SEMA3A: variants seen among roughly 807,000 people sequenced by gnomAD.
SEMA3A encodes semaphorin 3A.
A neutral mutation model predicts 97.9 loss-of-function variants in SEMA3A; 29 were observed. That is an observed-to-expected ratio of 0.30 (90% CI 0.22 to 0.40). SEMA3A has a LOEUF of 0.40. Ranked by LOEUF, SEMA3A falls within the 10% of genes least tolerant of loss-of-function variation. The pLI is 1.00. For missense variants in SEMA3A, 763 were observed against 951.3 expected (o/e 0.80, Z 2.60); for synonymous variants, 321 against 323.7 (o/e 0.99, Z 0.09).
chr7:84,417,051 T>C (rs76776376), intron 1 of SEMA3A, among the ~76,000 whole-genome samples: 14,189 of 123,346 alleles, frequency 0.12, 1,163 homozygotes, highest in East Asian at 0.3. Context: ...GACCATAGTG[T>C]TTTTTAAATT....
At chr7:84,402,547 A>T (rs554659655) in intron 1 of SEMA3A, among the ~76,000 whole-genome samples, 2 of 152,318 alleles carry the variant, frequency 1.3e-5, no homozygotes, top group East Asian at 3.9e-4. Flanking sequence ...CTTCACTCCC[A>T]TGTTTATTGC....
intron 6 of SEMA3A, among the ~76,000 whole-genome samples, chr7:84,028,687 C>T (rs986472255): frequency 6.6e-6 from 1 of 152,148 alleles, no homozygotes; most frequent in East Asian, 1.9e-4. Flanking sequence ...TGACTGAAAC[C>T]TCTGCCACCT....
chr7:84,167,815 A>G (rs558443583), intron 1 of SEMA3A, among the ~76,000 whole-genome samples: 1 of 152,296 alleles, frequency 6.6e-6, no homozygotes, highest in East Asian at 1.9e-4. Context: ...TAAAATACAA[A>G]TGTAAGAAAC....
intron 12 of SEMA3A, among the ~76,000 whole-genome samples, chr7:83,997,537 T>TGTC (rs1406605007): frequency 6.6e-6 from 1 of 152,190 alleles, no homozygotes; most frequent in Non-Finnish European, 1.5e-5. Flanking sequence ...AAATATGTTT[T>TGTC]GTCTACTTGA....
At chr7:84,168,116 G>T (rs1216332176) in intron 1 of SEMA3A, among the ~76,000 whole-genome samples, 1 of 151,956 alleles carries the variant, frequency 6.6e-6, no homozygotes, top group Admixed American at 6.6e-5. Context: ...TAATTTATAC[G>T]CAAGTGAAAT....
At chr7:84,487,467 T>TTAGCATAAGAATTAATTCTAGACTGG (rs1806604443) in intron 1 of SEMA3A, among the ~76,000 whole-genome samples, 2 of 152,106 alleles carry the variant, frequency 1.3e-5, no homozygotes, top group African/African-American at 2.4e-5. Context: ...CCAGAAGCAA[T>TTAGCATAAGAATTAATTCTAGACTGG]TAGCATAAGA....
rs371230452 is a variant in SEMA3A at position 84,449,262 on chromosome 7, C to T, written c.-246+43198G>A. Among the ~76,000 whole-genome samples, 112 of 152,000 alleles carry T rather than the reference C, an allele frequency of 7.4e-4. 1 individual carries two copies. The highest frequency in any genetic ancestry group is 2.4e-3 in the African/African-American group (101 of 41,468). ...AGCTAAAGCAGGACTTTGAATGAAA[C>T]GTATAGATGTAAAGAAAAAGTATGA... On this transcript the variant is annotated intron_variant, in intron 1 of 3. Coordinates refer to the SEMA3A transcript ENST00000424555.
chr7:84,013,129 A>G (rs1386733365), intron 7 of SEMA3A, among the ~76,000 whole-genome samples: 1 of 152,162 alleles, frequency 6.6e-6, no homozygotes, highest in Non-Finnish European at 1.5e-5. Context: ...AAAAGATAGA[A>G]TTCAATTTTA....
chr7:84,038,210 T>A (rs1792011112), intron 6 of SEMA3A, among the ~76,000 whole-genome samples: 1 of 152,006 alleles, frequency 6.6e-6, no homozygotes, highest in African/African-American at 2.4e-5. Flanking sequence ...AGATTCAGTC[T>A]AAGGAAAGGA....
At chr7:84,325,061 G>A (rs1801739157) in intron 2 of SEMA3A, among the ~76,000 whole-genome samples, 1 of 152,166 alleles carries the variant, frequency 6.6e-6, no homozygotes, top group Non-Finnish European at 1.5e-5. Context: ...CATAACTTAT[G>A]TTTGTCTTTT....
chr7:84,106,247 T>C (rs984218983), intron 4 of SEMA3A, among the ~76,000 whole-genome samples: 5 of 152,192 alleles, frequency 3.3e-5, no homozygotes, highest in African/African-American at 1.2e-4. Flanking sequence ...AAATTCTTAT[T>C]GCATAGTGAC....
At chr7:84,398,001 C>T (rs576982691) in intron 1 of SEMA3A, among the ~76,000 whole-genome samples, 1 of 152,214 alleles carries the variant, frequency 6.6e-6, no homozygotes, top group African/African-American at 2.4e-5. Context: ...ATGCATTGTG[C>T]TAGATGATTT....
At chr7:84,046,206 C>CTA in intron 6 of SEMA3A, 118 bp downstream of exon 6, 2 of 1,166,520 alleles carry the variant, frequency 1.7e-6, no homozygotes. Context: ...AAGTCACCAC[C>CTA]ATTAGCTTAA....
At chr7:84,333,633 G>A (rs1801960567) in intron 2 of SEMA3A, among the ~76,000 whole-genome samples, 1 of 152,092 alleles carries the variant, frequency 6.6e-6, no homozygotes, top group African/African-American at 2.4e-5. Flanking sequence ...AGACAAGAAA[G>A]TAAGAACATA....
At chr7:84,150,533 G>C (rs531125014) in intron 1 of SEMA3A, among the ~76,000 whole-genome samples, 7 of 152,074 alleles carry the variant, frequency 4.6e-5, no homozygotes, top group African/African-American at 1.7e-4. Context: ...CTTTTCCGAC[G>C]GGCTTAAAAA....
At chr7:84,288,549 T>C (rs927542810) in intron 3 of SEMA3A, among the ~76,000 whole-genome samples, 1 of 151,896 alleles carries the variant, frequency 6.6e-6, no homozygotes, top group Non-Finnish European at 1.5e-5. Flanking sequence ...AACACAGAAA[T>C]TAGCCAGACC....
intron 6 of SEMA3A, among the ~76,000 whole-genome samples, chr7:84,018,463 T>C (rs1362054964): frequency 6.6e-6 from 1 of 152,200 alleles, no homozygotes; most frequent in Non-Finnish European, 1.5e-5. Flanking sequence ...ATTGTAGTTA[T>C]TATCTTCAAG....
intron 1 of SEMA3A, among the ~76,000 whole-genome samples, chr7:84,174,723 A>C (rs1018707062): frequency 6.6e-6 from 1 of 152,198 alleles, no homozygotes; most frequent in African/African-American, 2.4e-5. Flanking sequence ...AGATAGAACA[A>C]ATGAAGATAT....
At chr7:84,233,058 T>A (rs1411832032) in intron 3 of SEMA3A, among the ~76,000 whole-genome samples, 1 of 152,014 alleles carries the variant, frequency 6.6e-6, no homozygotes, top group Non-Finnish European at 1.5e-5. Flanking sequence ...TTATTCTACT[T>A]TTTAAGGTAT....
Sources: gnomAD v4.1 joint callset for allele counts (sites outside exome capture counted in the v4.1 genomes callset) on GRCh38, gnomAD v4.1.1 for gene constraint, MANE v1.5 for transcripts, NCBI Gene and HGNC (gene_info 2026-07-23, HGNC 2026-07-21) for gene names.